The following TBC1D8 variants were observed in gnomAD, a reference collection of about 807,000 sequenced individuals.
The protein encoded by TBC1D8 is BUB2-like protein 1.
In TBC1D8, 65 loss-of-function variants were observed where a neutral mutation model predicts 118.8. The observed-to-expected ratio is 0.55, with a 90% CI of 0.45 to 0.67. The LOEUF (loss-of-function observed/expected upper bound fraction) is 0.67, where lower values mean the gene tolerates loss of function less well. Ranked by LOEUF, TBC1D8 falls within the 30% of genes least tolerant of loss-of-function variation. The pLI is 0.00. For synonymous variants in TBC1D8, 566 were observed against 595.8 expected, an observed-to-expected ratio of 0.95 and a Z score of 0.73; for missense variants, 1,376 against 1,471.2, an observed-to-expected ratio of 0.94 and a Z score of 1.06.
At chr2:101,058,821 C>G (rs552294598) in intron 3 of TBC1D8, among the ~76,000 whole-genome samples, 1 of 150,844 alleles carries the variant, frequency 6.6e-6, no homozygotes, top group East Asian at 1.9e-4. Flanking sequence ...AATCTTAACA[C>G]TATTTTTTTT....
intron 1 of TBC1D8, among the ~76,000 whole-genome samples, chr2:101,149,386 C>T (rs1679452536): frequency 6.6e-6 from 1 of 152,158 alleles, no homozygotes; most frequent in South Asian, 2.1e-4. Context: ...CAGCTCTGCC[C>T]TCCGTGTCTG....
chr2:101,105,607 A>AAAAAAC (rs766935427), intron 1 of TBC1D8, among the ~76,000 whole-genome samples: 1 of 72,480 alleles, frequency 1.4e-5, no homozygotes, highest in Non-Finnish European at 3.1e-5. Flanking sequence ...AAAAAAAAAA[A>AAAAAAC]ACATATATAT....
chr2:101,083,257 T>G (rs1675381542), intron 2 of TBC1D8, among the ~76,000 whole-genome samples: 1 of 152,096 alleles, frequency 6.6e-6, no homozygotes, highest in Non-Finnish European at 1.5e-5. Flanking sequence ...AGGTCACAAG[T>G]ATGACTCTCA....
At chr2:101,028,252 T>A in intron 13 of TBC1D8, 51 bp downstream of exon 13, 1 of 1,557,432 alleles carries the variant, frequency 6.4e-7, no homozygotes, top group Non-Finnish European at 8.7e-7. Flanking sequence ...CAGTCACAAT[T>A]CCCGGGGGGT....
At chr2:101,141,804 C>T (rs910686666) in intron 1 of TBC1D8, among the ~76,000 whole-genome samples, 2 of 132,590 alleles carry the variant, frequency 1.5e-5, no homozygotes, top group African/African-American at 6.9e-5. Flanking sequence ...TGAAGGCGCG[C>T]ACACACACAC....
chr2:101,104,888 C>T (rs981136138), intron 1 of TBC1D8, among the ~76,000 whole-genome samples: 6 of 152,006 alleles, frequency 3.9e-5, no homozygotes, highest in Non-Finnish European at 8.8e-5. Context: ...GTGGCATGCG[C>T]CTGTAATCCC....
At chr2:101,136,928 G>A (rs1238152157) in intron 1 of TBC1D8, among the ~76,000 whole-genome samples, 3 of 151,998 alleles carry the variant, frequency 2.0e-5, no homozygotes, top group Non-Finnish European at 2.9e-5. Context: ...CTGAGGCTGC[G>A]CAATGCTCTT....
In TBC1D8 at chr2:101,027,436, G is replaced by A; in HGVS notation, c.2467C>T (p.Pro823Ser). ...TCTTCAGGAAGAATTGAGACTTCCGGGATAACGACTCGAAGCTTGAGGAAA... is the reference window on the plus strand; with the variant it reads ...TCTTCAGGAAGAATTGAGACTTCCGAGATAACGACTCGAAGCTTGAGGAAA... The part of the protein sequence containing the change: ...TKQNVLRVVI[P>S]EVSILPEDLE... Residue 823 changes from proline (P) to serine (S), a missense_variant, in exon 15 of 20, where the codon CCG becomes TCG. Pro to Ser is a moderately conservative substitution (Grantham distance 74). Transcript: ENST00000409318. The A allele has an allele frequency of 6.2e-7, 1 of 1,613,128 alleles. No individual in the cohort carries two copies. Among genetic ancestry groups the A allele is most frequent in the Non-Finnish European group, 8.5e-7 (1 of 1,179,274 alleles).
chr2:101,141,793 A>C (rs889455025), intron 1 of TBC1D8, among the ~76,000 whole-genome samples: 2 of 150,872 alleles, frequency 1.3e-5, no homozygotes, highest in African/African-American at 4.9e-5. Flanking sequence ...AAAACCACAC[A>C]TGAAGGCGCG....
At chr2:101,029,879 A>C (rs1319247777) in intron 11 of TBC1D8, 103 bp from the exon 12 acceptor site, 1 of 1,264,506 alleles carries the variant, frequency 7.9e-7, no homozygotes, top group Non-Finnish European at 1.1e-6. Flanking sequence ...AAGAGATGGA[A>C]TTTGAGTCCA....
intron 19 of TBC1D8, among the ~76,000 whole-genome samples, chr2:101,008,836 C>G (rs1306790742): frequency 2.6e-5 from 4 of 151,752 alleles, no homozygotes; most frequent in African/African-American, 9.7e-5. Context: ...GAAACCACAG[C>G]AACGTACAGA....
chr2:101,133,059 C>A (rs1678664107), intron 1 of TBC1D8, among the ~76,000 whole-genome samples: 1 of 150,682 alleles, frequency 6.6e-6, no homozygotes, highest in East Asian at 2.0e-4. Context: ...ACTCGGGAGG[C>A]TGAGGCAGGA....
At chr2:101,107,801 G>C (rs549330946) in intron 1 of TBC1D8, among the ~76,000 whole-genome samples, 19 of 152,216 alleles carry the variant, frequency 1.2e-4, no homozygotes, top group Non-Finnish European at 2.6e-4. Flanking sequence ...CCCACAGTAT[G>C]AAAGGTGGGG....
intron 1 of TBC1D8, among the ~76,000 whole-genome samples, chr2:101,107,488 C>T (rs1314640201): frequency 6.6e-6 from 1 of 152,032 alleles, no homozygotes; most frequent in African/African-American, 2.4e-5. Context: ...GAGGTTCTGT[C>T]TCCCTGGAGA....
intron 10 of TBC1D8, chr2:101,032,824 G>T (rs1473392371): frequency 6.1e-6 from 1 of 164,276 alleles, no homozygotes; most frequent in Non-Finnish European, 1.3e-5. Flanking sequence ...TGCTGGGTTT[G>T]GCTGCTGCTT....
chr2:101,076,329 G>A (rs1318659130), intron 2 of TBC1D8, among the ~76,000 whole-genome samples: 1 of 152,210 alleles, frequency 6.6e-6, no homozygotes, highest in Non-Finnish European at 1.5e-5. Context: ...TTTGACGAAA[G>A]CTTGATGGGG....
At chr2:101,130,031 G>A (rs1182199161) in intron 1 of TBC1D8, among the ~76,000 whole-genome samples, 1 of 152,172 alleles carries the variant, frequency 6.6e-6, no homozygotes, top group East Asian at 1.9e-4. Flanking sequence ...AAAGGGGTAC[G>A]AGCTGGTGGG....
intron 17 of TBC1D8, among the ~76,000 whole-genome samples, chr2:101,016,640 C>CACT (rs1195977786): frequency 8.0e-4 from 122 of 152,226 alleles, no homozygotes; most frequent in Non-Finnish European, 1.5e-3. Context: ...TTTATTGCGG[C>CACT]ACTATTCACA....
chr2:101,027,173 CCCT>C (rs1185950323), intron 15 of TBC1D8, among the ~76,000 whole-genome samples: 2 of 152,150 alleles, frequency 1.3e-5, no homozygotes, highest in Non-Finnish European at 2.9e-5. Flanking sequence ...CACCCCAGCT[CCCT>C]CCTCCCATGT....
Sources: gnomAD v4.1 joint callset for allele counts (sites outside exome capture counted in the v4.1 genomes callset) on GRCh38, gnomAD v4.1.1 for gene constraint, MANE v1.5 for transcripts, NCBI Gene and HGNC (gene_info 2026-07-23, HGNC 2026-07-21) for gene names.